Variants in PABPC4L observed in about 807,000 individuals in gnomAD.
PABPC4L encodes poly(A) binding protein cytoplasmic 4 like, also known as polyadenylate-binding protein 4-like.
For synonymous variants in PABPC4L, 169 were observed against 164.1 expected (o/e 1.03, Z -0.23); for missense variants, 452 against 451.4 (o/e 1.00, Z -0.01).
the PABPC4L span, among the ~76,000 whole-genome samples, chr4:134,058,345 A>C: frequency 2.0e-5 from 3 of 152,036 alleles, no homozygotes; most frequent in African/African-American, 7.2e-5. Context: ...CTTTAAACAT[A>C]GTTTTGAAAA....
chr4:134,140,547 C>T, the PABPC4L span, among the ~76,000 whole-genome samples: 1 of 151,770 alleles, frequency 6.6e-6, no homozygotes, highest in South Asian at 2.1e-4. Context: ...GCCATACTGG[C>T]TTTACTGTTT....
the PABPC4L span, among the ~76,000 whole-genome samples, chr4:133,954,058 G>C: frequency 2.6e-4 from 39 of 152,312 alleles, 1 homozygote; most frequent in South Asian, 3.9e-3. Context: ...GCTGTTTGGA[G>C]GGAACACATA....
At chr4:133,964,681 G>A in the PABPC4L span, among the ~76,000 whole-genome samples, 1 of 151,938 alleles carries the variant, frequency 6.6e-6, no homozygotes, top group African/African-American at 2.4e-5. Context: ...GTCAACAAAT[G>A]TGATATACCA....
chr4:134,145,041 T>G, the PABPC4L span, among the ~76,000 whole-genome samples: 1 of 151,778 alleles, frequency 6.6e-6, no homozygotes, highest in Non-Finnish European at 1.5e-5. Flanking sequence ...TACGTTCAAG[T>G]GTTTGCAGAC....
At chr4:133,971,978 C>A in the PABPC4L span, among the ~76,000 whole-genome samples, 5 of 152,104 alleles carry the variant, frequency 3.3e-5, no homozygotes, top group African/African-American at 1.2e-4. Flanking sequence ...TTTAATGTTT[C>A]TTGGATAAAT....
At chr4:134,076,069 CTT>C in the PABPC4L span, among the ~76,000 whole-genome samples, 1 of 150,126 alleles carries the variant, frequency 6.7e-6, no homozygotes, top group Non-Finnish European at 1.5e-5. Flanking sequence ...CACACACTAC[CTT>C]TTTTTTTGAA....
At chr4:134,127,959 A>G in the PABPC4L span, among the ~76,000 whole-genome samples, 2 of 152,146 alleles carry the variant, frequency 1.3e-5, no homozygotes, top group Middle Eastern at 3.2e-3. Flanking sequence ...TAGCATGAAT[A>G]AAAAACAATC....
chr4:134,059,151 A>T, the PABPC4L span, among the ~76,000 whole-genome samples: 1 of 151,736 alleles, frequency 6.6e-6, no homozygotes, highest in Admixed American at 6.6e-5. Context: ...GGTAACTAGT[A>T]CTCCCCAATC....
the PABPC4L span, among the ~76,000 whole-genome samples, chr4:134,180,888 A>C: frequency 6.6e-6 from 1 of 151,936 alleles, no homozygotes; most frequent in Non-Finnish European, 1.5e-5. Flanking sequence ...TCAGTAATAA[A>C]ATGCCTACCA....
chr4:134,152,193 T>C, the PABPC4L span, among the ~76,000 whole-genome samples: 1 of 152,054 alleles, frequency 6.6e-6, no homozygotes, highest in South Asian at 2.1e-4. Context: ...AAATGAATAA[T>C]AATATTGTTG....
the PABPC4L span, among the ~76,000 whole-genome samples, chr4:133,999,433 T>C: frequency 1.3e-5 from 2 of 152,124 alleles, no homozygotes; most frequent in Admixed American, 1.3e-4. Context: ...ATTGTGTTGT[T>C]TGCTTGCTTA....
chr4:134,162,219 A>G, the PABPC4L span, among the ~76,000 whole-genome samples: 2 of 152,262 alleles, frequency 1.3e-5, no homozygotes, highest in African/African-American at 4.8e-5. Flanking sequence ...AATGACAGTA[A>G]TAAGTCCTTC....
At chr4:133,960,554 C>G in the PABPC4L span, among the ~76,000 whole-genome samples, 1 of 152,088 alleles carries the variant, frequency 6.6e-6, no homozygotes, top group Non-Finnish European at 1.5e-5. Flanking sequence ...TTGGACCAGT[C>G]GAGAAGCCTC....
chr4:134,182,012 A>C, the PABPC4L span, among the ~76,000 whole-genome samples: 1 of 151,450 alleles, frequency 6.6e-6, no homozygotes, highest in Non-Finnish European at 1.5e-5. Flanking sequence ...AAAAAAAAAA[A>C]CAAAAATTAA....
the PABPC4L span, among the ~76,000 whole-genome samples, chr4:134,131,614 A>ATTGC: frequency 6.8e-6 from 1 of 147,534 alleles, no homozygotes; most frequent in South Asian, 2.2e-4. Context: ...AAATGACAAT[A>ATTGC]TTGCCAAAAG....
the PABPC4L span, among the ~76,000 whole-genome samples, chr4:134,142,291 T>G: frequency 6.6e-6 from 1 of 151,704 alleles, no homozygotes; most frequent in African/African-American, 2.4e-5. Context: ...GTTAGTCATT[T>G]GTAAAGATGA....
the PABPC4L span, among the ~76,000 whole-genome samples, chr4:133,948,858 A>G: frequency 6.6e-6 from 1 of 152,068 alleles, no homozygotes; most frequent in Admixed American, 6.5e-5. Flanking sequence ...TTTGTCTGAG[A>G]TCAGTTATCT....
At chr4:134,057,443 T>C in the PABPC4L span, among the ~76,000 whole-genome samples, 2 of 152,068 alleles carry the variant, frequency 1.3e-5, no homozygotes, top group African/African-American at 4.8e-5. Flanking sequence ...CTAGGCCTCA[T>C]CTAGCACTCT....
the PABPC4L span, among the ~76,000 whole-genome samples, chr4:134,148,941 A>G: frequency 2.0e-5 from 3 of 152,022 alleles, no homozygotes; most frequent in African/African-American, 7.2e-5. Flanking sequence ...GAGGTCCAGA[A>G]GGCCAAAAAT....
Sources: gnomAD v4.1 joint callset for allele counts (sites outside exome capture counted in the v4.1 genomes callset) on GRCh38, gnomAD v4.1.1 for gene constraint, MANE v1.5 for transcripts, NCBI Gene and HGNC (gene_info 2026-07-23, HGNC 2026-07-21) for gene names.